GRIK2: variants seen among roughly 807,000 people sequenced by gnomAD.
GRIK2 encodes glutamate ionotropic receptor kainate type subunit 2, also known as glutamate receptor ionotropic, kainate 2.
GRIK2 carries 32 observed loss-of-function variants against 100.3 expected under a neutral mutation model. The ratio of observed to expected loss-of-function variants is 0.32; its 90% CI spans 0.24 to 0.43. GRIK2 has a LOEUF of 0.43. Among genes scored for constraint, GRIK2 ranks in the 20% least tolerant of loss-of-function variants. GRIK2 has a pLI of 1.00. For synonymous variants in GRIK2, 417 were observed against 389.4 expected, an observed-to-expected ratio of 1.07 and a Z score of -0.83; for missense variants, 843 against 1,114.9, an observed-to-expected ratio of 0.76 and a Z score of 3.47.
chr6:101,815,328 C>G (rs1032387783), intron 9 of GRIK2, among the ~76,000 whole-genome samples: 2 of 151,598 alleles, frequency 1.3e-5, no homozygotes, highest in Non-Finnish European at 2.9e-5. Flanking sequence ...TTTTTCTGAC[C>G]ACAAGAAGAA....
intron 14 of GRIK2, among the ~76,000 whole-genome samples, chr6:101,961,479 TGCAGCTGCATCC>T (rs1365158329): frequency 2.0e-5 from 3 of 152,100 alleles, no homozygotes; most frequent in Non-Finnish European, 4.4e-5. Flanking sequence ...AACAGCTAGC[TGCAGCTGCATCC>T]GCAGCTGTGG....
intron 2 of GRIK2, among the ~76,000 whole-genome samples, chr6:101,480,198 T>C (rs1378227921): frequency 1.3e-5 from 2 of 152,190 alleles, no homozygotes; most frequent in Admixed American, 1.3e-4. Flanking sequence ...GAGGAAATCA[T>C]GTCTCTTCAT....
At chr6:101,644,122 A>C (rs1781410508) in intron 4 of GRIK2, among the ~76,000 whole-genome samples, 1 of 151,836 alleles carries the variant, frequency 6.6e-6, no homozygotes, top group Admixed American at 6.6e-5. Flanking sequence ...AAATGTGAAT[A>C]AGATGTTTTG....
chr6:102,005,214 G>C (rs1269109776), intron 14 of GRIK2, among the ~76,000 whole-genome samples: 1 of 150,632 alleles, frequency 6.6e-6, no homozygotes, highest in Non-Finnish European at 1.5e-5. Context: ...TATGTGTATA[G>C]ACATAATACA....
chr6:101,751,600 AT>A (rs546826430), intron 7 of GRIK2, among the ~76,000 whole-genome samples: 8 of 151,740 alleles, frequency 5.3e-5, no homozygotes, highest in Middle Eastern at 6.8e-3. Flanking sequence ...TACAAACTTC[AT>A]TTTTTCCCCC....
At chr6:101,620,153 G>A in intron 2 of GRIK2, 1 of 456,950 alleles carries the variant, frequency 2.2e-6, no homozygotes, top group Non-Finnish European at 2.9e-6. Context: ...GATAGCAATT[G>A]GCAAATCCAG....
In GRIK2 at chr6:101,799,650, T is replaced by C. The variant is rs747830654; in HGVS notation, c.954T>C (p.Thr318=). ...DSGLLDGFMT[T]DAALMYDAVH... ...TTTCCCTTTCCCTTGCTTTTCAGAC[T>C]GATGCTGCTCTAATGTATGATGCTG... Residue 318 remains threonine, a splice_region_variant and synonymous_variant, in exon 8 of 17, where the codon ACT becomes ACC. Transcript: ENST00000369134. 3.1e-6 allele frequency: 5 copies of C among 1,612,552 alleles called. No individual in the cohort carries two copies. The Admixed American group carries it at 8.3e-5, about 27-fold the overall frequency.
chr6:102,055,331 T>G lies in GRIK2; in HGVS notation c.2313T>G (p.Gly771=). ...TTAACATAACCTCTCCTTTCTTAGG[T>G]TCTCCATATCGAGACAAAATTACCA... ...SKGYGVGTPM[G]SPYRDKITIA... is the part of the protein sequence containing the mutation. The change falls in exon 16 of 17, where the codon GGT becomes GGG. Residue 771 remains glycine, a splice_region_variant and synonymous_variant. Transcript: ENST00000369134. 1 of 1,607,388 alleles carries G rather than the reference T, an allele frequency of 6.2e-7. No homozygotes were observed. Among genetic ancestry groups the G allele is most frequent in the Non-Finnish European group, 8.5e-7 (1 of 1,174,672 alleles).
At chr6:101,927,330 T>C in intron 13 of GRIK2, 1 of 754,692 alleles carries the variant, frequency 1.3e-6, no homozygotes, top group Non-Finnish European at 1.6e-6. Context: ...ATACTAAAGA[T>C]ATGACTGTAA....
chr6:101,587,978 C>G (rs372162085), intron 2 of GRIK2, among the ~76,000 whole-genome samples: 6 of 151,824 alleles, frequency 4.0e-5, no homozygotes, highest in South Asian at 4.2e-4. Flanking sequence ...ATTAATGGCT[C>G]AAAAATAACT....
At chr6:101,527,550 T>G (rs1775215489) in intron 2 of GRIK2, among the ~76,000 whole-genome samples, 1 of 152,214 alleles carries the variant, frequency 6.6e-6, no homozygotes, top group African/African-American at 2.4e-5. Flanking sequence ...GAAATTGTTT[T>G]TATTTCCGAA....
chr6:101,919,664 A>T (rs1428709581), intron 12 of GRIK2, among the ~76,000 whole-genome samples: 2 of 151,786 alleles, frequency 1.3e-5, no homozygotes, highest in African/African-American at 4.8e-5. Context: ...GGAAGAAGGA[A>T]AGTTTTGAGA....
In GRIK2 at chr6:101,620,198, A is replaced by G. The variant is rs1040511188; in HGVS notation, c.116-1751A>G. On this transcript the variant is annotated intron_variant, in intron 2 of 16. Coordinates refer to ENST00000369134, the MANE Select transcript of GRIK2 (RefSeq NM_021956.5). ...CCCGGTCTAGCTCCAAATAAATGTT[A>G]TATATAAGGGTAGAGAGTAAAGAAG... The G allele has an allele frequency of 9.4e-6, 8 of 848,226 alleles. No individual in the cohort carries two copies. The South Asian group carries it at 3.2e-4, about 34-fold the overall frequency. The allele number at this position is 848,226 out of a possible 1,614,324, so 52.5% of individuals were successfully genotyped here. A position where few individuals can be genotyped will look rare whatever the true frequency, so the allele number is the denominator to read the frequency against.
In GRIK2 at chr6:101,393,791, C is replaced by G. The variant is rs907611635; in HGVS notation, c.-340C>G. On this transcript the variant is annotated 5_prime_UTR_variant, in exon 1 of 17. Transcript: ENST00000369134. ...CCGACCTCCTCCGGCTGCTCCTCCC[C>G]GAGGACCACCCCACCCCCTCCCCGC... 6.6e-6 allele frequency among the ~76,000 whole-genome samples: 1 copy of G among 152,066 alleles called. No homozygotes were observed. The highest frequency in any genetic ancestry group is 6.6e-5 in the Admixed American group (1 of 15,250).
intron 2 of GRIK2, among the ~76,000 whole-genome samples, chr6:101,580,828 T>C (rs554007619): frequency 3.0e-4 from 45 of 152,206 alleles, no homozygotes; most frequent in Admixed American, 5.9e-4. Context: ...CCTTCAGTTA[T>C]CTGCATAGTT....
intron 14 of GRIK2, among the ~76,000 whole-genome samples, chr6:101,992,953 A>G (rs556268522): frequency 2.6e-5 from 4 of 151,594 alleles, no homozygotes; most frequent in Non-Finnish European, 4.4e-5. Flanking sequence ...CAGTATGTGC[A>G]TATGTGTGCA....
intron 4 of GRIK2, among the ~76,000 whole-genome samples, chr6:101,675,818 A>G (rs1053752198): frequency 4.6e-5 from 7 of 152,208 alleles, no homozygotes; most frequent in Non-Finnish European, 2.9e-5. Flanking sequence ...AGAAAACAAT[A>G]CAAAAATTGT....
At chr6:102,047,955 A>C (rs558504559) in intron 15 of GRIK2, among the ~76,000 whole-genome samples, 15 of 151,802 alleles carry the variant, frequency 9.9e-5, no homozygotes, top group African/African-American at 3.4e-4. Flanking sequence ...CTGATTTCAA[A>C]TTACACTGCA....
intron 4 of GRIK2, among the ~76,000 whole-genome samples, chr6:101,667,985 C>G (rs1770155167): frequency 6.6e-6 from 1 of 152,056 alleles, no homozygotes; most frequent in Non-Finnish European, 1.5e-5. Context: ...TATAATGTAT[C>G]AAGCTAAAAT....
Sources: allele counts gnomAD v4.1 joint callset (sites outside exome capture counted in the v4.1 genomes callset), GRCh38; gene constraint gnomAD v4.1.1; transcripts MANE v1.5; gene names NCBI Gene and HGNC (gene_info 2026-07-23, HGNC 2026-07-21).